The following PDZD2 variants were observed in gnomAD, a reference collection of about 807,000 sequenced individuals.
PDZD2 encodes PDZ domain containing 2, also known as PDZ domain-containing protein 2.
In PDZD2, 90 loss-of-function variants were observed where a neutral mutation model predicts 220.7. That is an observed-to-expected ratio of 0.41 (90% CI 0.34 to 0.49). PDZD2 has a LOEUF of 0.49. Ranked by LOEUF, PDZD2 falls within the 20% of genes least tolerant of loss-of-function variation. PDZD2 has a pLI of 0.28. For synonymous variants in PDZD2, 1,375 were observed against 1,450.5 expected (o/e 0.95, Z 1.18); for missense variants, 3,174 against 3,608.5 (o/e 0.88, Z 3.08).
intron 1 of PDZD2, among the ~76,000 whole-genome samples, chr5:31,759,783 G>A (rs559622519): frequency 1.1e-3 from 171 of 152,168 alleles, no homozygotes; most frequent in Admixed American, 2.0e-3. Context: ...GACCTCAGGC[G>A]ATCCTCTCAC....
intron 2 of PDZD2, among the ~76,000 whole-genome samples, chr5:31,841,903 G>A (rs1411411746): frequency 6.6e-6 from 1 of 151,936 alleles, no homozygotes; most frequent in Non-Finnish European, 1.5e-5. Context: ...CCTGGGAGGT[G>A]GAGGTTGCAG....
At chr5:31,719,442 C>T (rs988933646) in intron 1 of PDZD2, among the ~76,000 whole-genome samples, 2 of 152,066 alleles carry the variant, frequency 1.3e-5, no homozygotes, top group Non-Finnish European at 2.9e-5. Flanking sequence ...CTGAACTTGC[C>T]GACAAAACAG....
At chr5:31,950,152 A>G (rs1189680799) in intron 2 of PDZD2, among the ~76,000 whole-genome samples, 1 of 152,190 alleles carries the variant, frequency 6.6e-6, no homozygotes, top group Non-Finnish European at 1.5e-5. Flanking sequence ...TTGACCATCT[A>G]TGAGACCCCA....
chr5:31,818,500 C>T (rs1755615842), intron 2 of PDZD2, among the ~76,000 whole-genome samples: 1 of 152,148 alleles, frequency 6.6e-6, no homozygotes, highest in Admixed American at 6.5e-5. Context: ...AGTTTCTCCT[C>T]TCTTGTTCTC....
intron 2 of PDZD2, among the ~76,000 whole-genome samples, chr5:31,801,057 G>T (rs572954324): frequency 6.6e-6 from 1 of 152,222 alleles, no homozygotes; most frequent in South Asian, 2.1e-4. Flanking sequence ...CTGGTGCAAA[G>T]TGCAGGGTGG....
chr5:31,801,999 A>G (rs1453705785), intron 2 of PDZD2, among the ~76,000 whole-genome samples: 1 of 152,136 alleles, frequency 6.6e-6, no homozygotes, highest in African/African-American at 2.4e-5. Flanking sequence ...GATGATGCCC[A>G]GTTTTGCAAA....
At chr5:32,055,293 C>G (rs1329812874) in intron 10 of PDZD2, among the ~76,000 whole-genome samples, 1 of 152,118 alleles carries the variant, frequency 6.6e-6, no homozygotes, top group Non-Finnish European at 1.5e-5. Context: ...CCTCAAACTC[C>G]TGGGCACAAG....
At chr5:31,678,432 G>T in intron 1 of PDZD2, among the ~76,000 whole-genome samples, 1 of 152,152 alleles carries the variant, frequency 6.6e-6, no homozygotes, top group East Asian at 1.9e-4. Context: ...TACTTCTGGA[G>T]CCTGGGGACA....
intron 10 of PDZD2, among the ~76,000 whole-genome samples, chr5:32,054,724 G>A (rs756080139): frequency 3.3e-5 from 5 of 152,156 alleles, no homozygotes; most frequent in East Asian, 1.9e-4. Context: ...TAATATTGAG[G>A]TGCCAAGTTC....
intron 1 of PDZD2, among the ~76,000 whole-genome samples, chr5:31,780,311 C>CG (rs35224383): frequency 6.6e-6 from 1 of 151,514 alleles, no homozygotes; most frequent in Non-Finnish European, 1.5e-5. Flanking sequence ...TTAAGGATGC[C>CG]GGGGGGGCTT....
At chr5:31,655,438 G>A (rs915914452) in intron 1 of PDZD2, among the ~76,000 whole-genome samples, 13 of 152,054 alleles carry the variant, frequency 8.5e-5, no homozygotes, top group Non-Finnish European at 1.6e-4. Context: ...CCCAAAGCGC[G>A]GGGATTACAG....
At chr5:31,657,026 T>C (rs1228898825) in intron 1 of PDZD2, among the ~76,000 whole-genome samples, 1 of 152,142 alleles carries the variant, frequency 6.6e-6, no homozygotes, top group Non-Finnish European at 1.5e-5. Flanking sequence ...AGCCCTCAGC[T>C]CGGGGGTGGA....
At chr5:31,659,208 T>C (rs1745672801) in intron 1 of PDZD2, among the ~76,000 whole-genome samples, 1 of 152,160 alleles carries the variant, frequency 6.6e-6, no homozygotes, top group Non-Finnish European at 1.5e-5. Flanking sequence ...TAATTTACTT[T>C]TGCAAAACCT....
chr5:31,809,159 G>A (rs1057050459), intron 2 of PDZD2, among the ~76,000 whole-genome samples: 2 of 152,124 alleles, frequency 1.3e-5, no homozygotes, highest in African/African-American at 4.8e-5. Flanking sequence ...GTGTGGCGAT[G>A]GCCATTGGAG....
intron 1 of PDZD2, among the ~76,000 whole-genome samples, chr5:31,737,024 A>G (rs1313079423): frequency 1.3e-5 from 2 of 152,092 alleles, no homozygotes; most frequent in Non-Finnish European, 2.9e-5. Flanking sequence ...CAGAATCATG[A>G]GCCAATTAAA....
At chr5:31,763,317 T>C (rs953106570) in intron 1 of PDZD2, among the ~76,000 whole-genome samples, 6 of 152,064 alleles carry the variant, frequency 3.9e-5, no homozygotes, top group African/African-American at 1.4e-4. Context: ...AAGAAAACCC[T>C]TTCCCCTAGC....
intron 2 of PDZD2, among the ~76,000 whole-genome samples, chr5:31,888,283 A>G (rs1012775229): frequency 1.1e-4 from 17 of 150,860 alleles, no homozygotes; most frequent in African/African-American, 3.9e-4. Flanking sequence ...ACTTCCGCCT[A>G]CTGGGTTCAA....
At chr5:31,804,114 G>T (rs1754574094) in intron 2 of PDZD2, among the ~76,000 whole-genome samples, 1 of 152,050 alleles carries the variant, frequency 6.6e-6, no homozygotes, top group African/African-American at 2.4e-5. Context: ...ACCTTTCACA[G>T]CTGAGGAAGT....
intron 1 of PDZD2, among the ~76,000 whole-genome samples, chr5:31,764,311 G>A (rs1751854003): frequency 6.6e-6 from 1 of 152,160 alleles, no homozygotes; most frequent in African/African-American, 2.4e-5. Flanking sequence ...CTAATTTCCT[G>A]TTTTCGTCCT....
Sources: allele counts gnomAD v4.1 joint callset (sites outside exome capture counted in the v4.1 genomes callset), GRCh38; gene constraint gnomAD v4.1.1; transcripts MANE v1.5; gene names NCBI Gene and HGNC (gene_info 2026-07-23, HGNC 2026-07-21).